The following AGBL4 variants were observed in gnomAD, a reference collection of about 807,000 sequenced individuals.
AGBL4 encodes cytosolic carboxypeptidase 6.
AGBL4 carries 58 observed loss-of-function variants against 66.4 expected under a neutral mutation model. The ratio of observed to expected loss-of-function variants is 0.87; its 90% confidence interval spans 0.71 to 1.09. The LOEUF (loss-of-function observed/expected upper bound fraction) is 1.09. AGBL4 is among the 50% of genes least tolerant of loss of function. AGBL4 has a pLI of 0.00. For synonymous variants in AGBL4, 234 were observed against 222.9 expected, an observed-to-expected ratio of 1.05 and a Z score of -0.44; for missense variants, 579 against 631.0, an observed-to-expected ratio of 0.92 and a Z score of 0.88.
At chr1:49,704,604 T>C (rs1213776586) in intron 2 of AGBL4, among the ~76,000 whole-genome samples, 1 of 152,098 alleles carries the variant, frequency 6.6e-6, no homozygotes, top group Non-Finnish European at 1.5e-5. Flanking sequence ...CTAATTTTTG[T>C]ATAAGGTGTA....
intron 3 of AGBL4, among the ~76,000 whole-genome samples, chr1:49,689,357 C>T (rs1478427934): frequency 1.3e-5 from 2 of 152,060 alleles, no homozygotes; most frequent in Non-Finnish European, 2.9e-5. Flanking sequence ...ATTCTTGGCA[C>T]TTTTGTCAAA....
At chr1:49,107,162 G>T (rs1645307787) in intron 4 of AGBL4, among the ~76,000 whole-genome samples, 1 of 152,104 alleles carries the variant, frequency 6.6e-6, no homozygotes, top group African/African-American at 2.4e-5. Context: ...ATGGTCTTCA[G>T]CTGTGTACTT....
Position 49,851,436 on chromosome 1 carries a change from G to C in AGBL4, c.117C>G (p.Pro39=). The stretch of plus-strand genomic sequence containing the variant: ...CATCAAAGATAAGATGTCCTTTCTT[G>C]GGCTGTCCACAATAGCCAGTTGGAA... ...IVLPTGYCGQ[P]KKGHLIFDAC... Residue 39 remains proline, a synonymous_variant, in exon 2 of 14, where the codon CCC becomes CCG. Coordinates refer to ENST00000371839, the MANE Select transcript of AGBL4 (RefSeq NM_032785.4). 1.9e-6 allele frequency: 3 copies of C among 1,550,292 alleles called. No individual in the cohort carries two copies. The highest frequency in any genetic ancestry group is 2.6e-6 in the Non-Finnish European group (3 of 1,146,186).
At chr1:49,476,360 A>T (rs1646844862) in intron 3 of AGBL4, among the ~76,000 whole-genome samples, 1 of 152,092 alleles carries the variant, frequency 6.6e-6, no homozygotes, top group South Asian at 2.1e-4. Context: ...TTCCATGTGC[A>T]GATGACAACG....
chr1:50,013,545 T>A (rs1661710197), intron 1 of AGBL4, among the ~76,000 whole-genome samples: 1 of 152,220 alleles, frequency 6.6e-6, no homozygotes, highest in Admixed American at 6.5e-5. Context: ...CATTTACAAT[T>A]GTTAGTAAGC....
chr1:49,995,036 A>G (rs921567165), intron 1 of AGBL4: 9 of 438,430 alleles, frequency 2.1e-5, no homozygotes, highest in African/African-American at 1.6e-4. Flanking sequence ...AGAGGGGTCC[A>G]TGGGGAGAGA....
chr1:49,012,259 T>A (rs1241931405), intron 5 of AGBL4, among the ~76,000 whole-genome samples: 3 of 151,904 alleles, frequency 2.0e-5, no homozygotes. Context: ...AACTATCTGC[T>A]CTCTTAAAAA....
At chr1:49,652,158 T>A (rs911687198) in intron 3 of AGBL4, among the ~76,000 whole-genome samples, 7 of 152,098 alleles carry the variant, frequency 4.6e-5, no homozygotes, top group African/African-American at 1.7e-4. Flanking sequence ...GCAAAAAAAA[T>A]TTATTTAATG....
chr1:48,686,759 A>G (rs1331031708), intron 6 of AGBL4, among the ~76,000 whole-genome samples: 1 of 152,132 alleles, frequency 6.6e-6, no homozygotes, highest in East Asian at 1.9e-4. Flanking sequence ...GATCTTGGTG[A>G]AGTCACGTCC....
At chr1:49,797,055 G>T (rs1207996861) in intron 2 of AGBL4, among the ~76,000 whole-genome samples, 1 of 152,050 alleles carries the variant, frequency 6.6e-6, no homozygotes, top group East Asian at 1.9e-4. Context: ...GGATTATATT[G>T]TTCTTTCTAA....
chr1:49,897,015 A>T (rs572615851), intron 1 of AGBL4, among the ~76,000 whole-genome samples: 5 of 152,112 alleles, frequency 3.3e-5, no homozygotes, highest in African/African-American at 7.2e-5. Flanking sequence ...AACTTAATTT[A>T]AAAAAACTGA....
chr1:49,688,937 T>C (rs1646835897), intron 3 of AGBL4, among the ~76,000 whole-genome samples: 1 of 152,130 alleles, frequency 6.6e-6, no homozygotes, highest in African/African-American at 2.4e-5. Context: ...ATTTTTTTCC[T>C]ATTACTTGAG....
intron 2 of AGBL4, among the ~76,000 whole-genome samples, chr1:49,709,397 G>A (rs1268704089): frequency 6.6e-6 from 1 of 152,296 alleles, no homozygotes; most frequent in Non-Finnish European, 1.5e-5. Flanking sequence ...CATGGTGGAC[G>A]GCCCTTTCCC....
At chr1:49,577,731 TC>T (rs1322564960) in intron 3 of AGBL4, among the ~76,000 whole-genome samples, 1 of 152,218 alleles carries the variant, frequency 6.6e-6, no homozygotes, top group African/African-American at 2.4e-5. Context: ...CTCATGGAAT[TC>T]ACTGGTCTTA....
chr1:49,240,504 C>A (rs974769951), intron 4 of AGBL4, among the ~76,000 whole-genome samples: 1 of 151,746 alleles, frequency 6.6e-6, no homozygotes, highest in Non-Finnish European at 1.5e-5. Context: ...AGTCCCTCCA[C>A]CCTGTTAAAA....
At chr1:49,036,476 A>C (rs1209782829) in intron 5 of AGBL4, among the ~76,000 whole-genome samples, 1 of 152,144 alleles carries the variant, frequency 6.6e-6, no homozygotes, top group Non-Finnish European at 1.5e-5. Context: ...AGAAATGTTG[A>C]ATTCTCTGGG....
At chr1:48,658,264 G>A (rs1424486554) in intron 7 of AGBL4, among the ~76,000 whole-genome samples, 1 of 152,232 alleles carries the variant, frequency 6.6e-6, no homozygotes, top group African/African-American at 2.4e-5. Context: ...CATGTGATTT[G>A]TGGAATAATT....
chr1:48,696,724 C>T (rs7530339), intron 6 of AGBL4, among the ~76,000 whole-genome samples: 10,086 of 152,152 alleles, frequency 0.066, 1,129 homozygotes, highest in African/African-American at 0.23. Flanking sequence ...CAGGCATCAC[C>T]GGAGTGAGAA....
At chr1:49,417,726 G>A (rs1290792279) in intron 3 of AGBL4, among the ~76,000 whole-genome samples, 1 of 152,022 alleles carries the variant, frequency 6.6e-6, no homozygotes, top group Non-Finnish European at 1.5e-5. Context: ...GATGTCTTTA[G>A]GTTAAAATAC....
Sources: allele counts gnomAD v4.1 joint callset (sites outside exome capture counted in the v4.1 genomes callset), GRCh38; gene constraint gnomAD v4.1.1; transcripts MANE v1.5; gene names NCBI Gene and HGNC (gene_info 2026-07-23, HGNC 2026-07-21).